ATP6V0A1: variants seen among roughly 807,000 people sequenced by gnomAD.
The protein encoded by ATP6V0A1 is ATPase H+ transporting V0 subunit a1.
A neutral mutation model predicts 105.4 loss-of-function variants in ATP6V0A1; 43 were observed. That is an observed-to-expected ratio of 0.41 (90% CI 0.32 to 0.53). The LOEUF (loss-of-function observed/expected upper bound fraction) is 0.53. Ranked by LOEUF, ATP6V0A1 falls within the 20% of genes least tolerant of loss-of-function variation. ATP6V0A1 has a pLI of 0.30. For missense variants in ATP6V0A1, 676 were observed against 1,051.1 expected, an observed-to-expected ratio of 0.64 and a Z score of 4.93; for synonymous variants, 362 against 372.8, an observed-to-expected ratio of 0.97 and a Z score of 0.33.
chr17:42,514,042 G>C (rs142083833), intron 20 of ATP6V0A1, 64 bp downstream of exon 20: 57 of 1,520,092 alleles, frequency 3.7e-5, no homozygotes, highest in Non-Finnish European at 5.0e-5. Flanking sequence ...CTGTCAGTTG[G>C]GGGGCTTAAG....
At chr17:42,484,213 C>T (rs1567830784) in intron 9 of ATP6V0A1, among the ~76,000 whole-genome samples, 1 of 151,742 alleles carries the variant, frequency 6.6e-6, no homozygotes. Flanking sequence ...GCCCGCCACA[C>T]GCCCGGCTAA....
chr17:42,461,104 CA>C (rs2086343928), intron 2 of ATP6V0A1, 93 bp downstream of exon 2: 2 of 1,052,376 alleles, frequency 1.9e-6, no homozygotes, highest in Non-Finnish European at 2.9e-6. Flanking sequence ...TTTTTATTTG[CA>C]AAAATAACAT....
intron 8 of ATP6V0A1, among the ~76,000 whole-genome samples, chr17:42,482,582 G>T (rs536885346): frequency 1.3e-5 from 2 of 151,516 alleles, no homozygotes; most frequent in Non-Finnish European, 2.9e-5. Flanking sequence ...TAATTGCTCC[G>T]TCTGCAGGTC....
intron 19 of ATP6V0A1, chr17:42,510,867 T>C (rs1419999825): frequency 6.6e-6 from 1 of 152,194 alleles, no homozygotes; most frequent in Non-Finnish European, 1.5e-5. Context: ...GTGAAGTGTC[T>C]GTAGGATAAG....
intron 21 of ATP6V0A1, chr17:42,517,877 T>C (rs2146353958): frequency 6.6e-6 from 1 of 152,372 alleles, no homozygotes; most frequent in South Asian, 2.1e-4. Flanking sequence ...AGTTCTGGTC[T>C]CCTCAGTGGG....
chr17:42,462,740 C>A (rs1432166804), intron 2 of ATP6V0A1, among the ~76,000 whole-genome samples: 1 of 151,662 alleles, frequency 6.6e-6, no homozygotes, highest in Non-Finnish European at 1.5e-5. Flanking sequence ...TCAGTTTCTT[C>A]TAGTTCTGTT....
At chr17:42,484,852 CTTT>C (rs10711845) in intron 9 of ATP6V0A1, among the ~76,000 whole-genome samples, 26 of 112,136 alleles carry the variant, frequency 2.3e-4, no homozygotes, top group Admixed American at 3.8e-4. Flanking sequence ...CTTTTCTTTT[CTTT>C]TTTTTTTTTT....
At position 42,490,567 on chromosome 17, in the gene ATP6V0A1, C is replaced by G. The variant is rs755747011; in HGVS notation, c.1104C>G (p.Asn368Lys). The change falls in exon 11 of 22, where the codon AAC (asparagine) becomes AAG (lysine). Residue 368 changes from asparagine to lysine, a missense_variant. Physicochemically the swap from Asn to Lys is moderately conservative, Grantham distance 94. This residue lies in a region of ATP6V0A1 where 435 missense variants were observed against 642.2 expected (regional missense o/e 0.68). Transcript: ENST00000343619. ...CTCCCCCAACCTATAACAAAACCAACAAGTTTACCTATGGCTTTCAGAACA... is the reference window on the plus strand; with the variant it reads ...CTCCCCCAACCTATAACAAAACCAAGAAGTTTACCTATGGCTTTCAGAACA... ...NQTPPTYNKT[N>K]KFTYGFQNIV... 3 of 1,613,588 alleles carry G rather than the reference C, an allele frequency of 1.9e-6. No individual in the cohort carries two copies. Among genetic ancestry groups the G allele is most frequent in the East Asian group, 2.2e-5 (1 of 44,840 alleles).
chr17:42,509,639 T>G (rs1482011947), intron 19 of ATP6V0A1: 1 of 152,266 alleles, frequency 6.6e-6, no homozygotes, highest in Non-Finnish European at 1.5e-5. Context: ...GTGCTCCATG[T>G]TAATGAGGAG....
chr17:42,473,026 T>C (rs182425627), intron 5 of ATP6V0A1, among the ~76,000 whole-genome samples: 1 of 152,262 alleles, frequency 6.6e-6, no homozygotes, highest in Non-Finnish European at 1.5e-5. Flanking sequence ...AATTTAAGGA[T>C]TTGACTCAGA....
At chr17:42,477,970 A>G (rs1474021970) in intron 6 of ATP6V0A1, among the ~76,000 whole-genome samples, 2 of 152,170 alleles carry the variant, frequency 1.3e-5, no homozygotes, top group Non-Finnish European at 2.9e-5. Context: ...CCAAATGTCC[A>G]TCAATGATAG....
At chr17:42,468,187 A>G (rs1332057200) in intron 4 of ATP6V0A1, 80 bp downstream of exon 4, 9 of 941,390 alleles carry the variant, frequency 9.6e-6, no homozygotes, top group Non-Finnish European at 1.6e-6. Context: ...TAGAGAGTAA[A>G]GTAATTCTTG....
chr17:42,476,054 C>T (rs867296475), intron 5 of ATP6V0A1, among the ~76,000 whole-genome samples: 25 of 152,062 alleles, frequency 1.6e-4, no homozygotes, highest in African/African-American at 6.0e-4. Flanking sequence ...AGGGATAAAC[C>T]AAGAACAAGT....
At chr17:42,498,453 G>A (rs1025366897) in intron 14 of ATP6V0A1, among the ~76,000 whole-genome samples, 3 of 152,056 alleles carry the variant, frequency 2.0e-5, no homozygotes, top group East Asian at 1.9e-4. Flanking sequence ...AGAGTGATAG[G>A]TGCCTGGGAG....
chr17:42,483,284 C>G (rs879414446), intron 9 of ATP6V0A1, among the ~76,000 whole-genome samples, 153 bp downstream of exon 9: 6 of 152,188 alleles, frequency 3.9e-5, no homozygotes, highest in Non-Finnish European at 8.8e-5. Flanking sequence ...CTTCTGGGAG[C>G]TGAGAAAGTA....
intron 11 of ATP6V0A1, among the ~76,000 whole-genome samples, chr17:42,494,116 A>T (rs551760051): frequency 6.6e-6 from 1 of 151,956 alleles, no homozygotes; most frequent in Non-Finnish European, 1.5e-5. Flanking sequence ...GGTGGTGGGC[A>T]CCTGTAATCC....
At chr17:42,479,207 G>T (rs2089185876) in intron 7 of ATP6V0A1, among the ~76,000 whole-genome samples, 1 of 152,194 alleles carries the variant, frequency 6.6e-6, no homozygotes, top group Admixed American at 6.5e-5. Flanking sequence ...ACCATGCCCA[G>T]CCCCAAGTTT....
intron 2 of ATP6V0A1, among the ~76,000 whole-genome samples, chr17:42,462,993 T>C (rs2086608909): frequency 7.7e-6 from 1 of 129,550 alleles, no homozygotes; most frequent in Non-Finnish European, 1.6e-5. Context: ...AATCAGGATA[T>C]GGAACTTTTT....
At chr17:42,464,538 G>T (rs1018431849) in intron 2 of ATP6V0A1, among the ~76,000 whole-genome samples, 6 of 152,002 alleles carry the variant, frequency 3.9e-5, no homozygotes, top group Non-Finnish European at 8.8e-5. Context: ...AAGTAGCTGG[G>T]ATTACAGGTG....
Sources: gnomAD v4.1 joint callset for allele counts (sites outside exome capture counted in the v4.1 genomes callset) on GRCh38, gnomAD v4.1.1 for gene constraint, gnomAD v4.1.1 regional missense constraint, MANE v1.5 for transcripts, NCBI Gene and HGNC (gene_info 2026-07-23, HGNC 2026-07-21) for gene names.